Variants in WWOX observed in about 807,000 individuals in gnomAD.
The protein encoded by WWOX is WW domain-containing oxidoreductase.
In WWOX, 69 loss-of-function variants were observed where a neutral mutation model predicts 46.2. The observed-to-expected ratio is 1.49, with a 90% confidence interval of 1.23 to 1.82. The LOEUF (loss-of-function observed/expected upper bound fraction) is 1.82, where lower values mean the gene tolerates loss of function less well. Ranked by LOEUF, WWOX falls within the 40% of genes most tolerant of loss-of-function variation. The pLI, the probability that WWOX is intolerant of heterozygous loss-of-function variation, is 0.00. For missense variants in WWOX, 919 were observed against 542.6 expected, an observed-to-expected ratio of 1.69 and a Z score of -6.89; for synonymous variants, 359 against 202.6, an observed-to-expected ratio of 1.77 and a Z score of -6.56.
At chr16:78,800,678 C>G (rs1487037451) in intron 8 of WWOX, among the ~76,000 whole-genome samples, 2 of 152,174 alleles carry the variant, frequency 1.3e-5, no homozygotes, top group African/African-American at 2.4e-5. Context: ...CAACTGAAAA[C>G]ATTTTAGGGG....
chr16:78,825,365 C>G (rs2051622482), intron 8 of WWOX: 1 of 274,246 alleles, frequency 3.6e-6, no homozygotes, highest in Admixed American at 3.5e-5. Flanking sequence ...TACTCCGGAG[C>G]TGGCTAAAGA....
At chr16:79,153,494 A>T (rs1460216069) in intron 8 of WWOX, among the ~76,000 whole-genome samples, 1 of 152,168 alleles carries the variant, frequency 6.6e-6, no homozygotes, top group East Asian at 1.9e-4. Flanking sequence ...CGTTATGTCT[A>T]GACCCCTGGA....
chr16:78,113,318 C>T, intron 3 of WWOX, among the ~76,000 whole-genome samples: 1 of 152,306 alleles, frequency 6.6e-6, no homozygotes, highest in Middle Eastern at 3.4e-3. Context: ...GGGGCTGTCT[C>T]CTTTGCCTGT....
chr16:78,468,444 C>G (rs996212473), intron 8 of WWOX, among the ~76,000 whole-genome samples: 10 of 152,062 alleles, frequency 6.6e-5, no homozygotes, highest in African/African-American at 9.7e-5. Flanking sequence ...AGAGTTCACA[C>G]TGAGTTTGCA....
intron 8 of WWOX, among the ~76,000 whole-genome samples, chr16:79,153,606 C>A (rs540657623): frequency 1.1e-3 from 163 of 152,230 alleles, no homozygotes; most frequent in Non-Finnish European, 1.9e-3. Context: ...GTCCAAAAAG[C>A]AATAAAGAAC....
intron 8 of WWOX, among the ~76,000 whole-genome samples, chr16:78,599,723 G>T (rs953672796): frequency 1.3e-5 from 2 of 152,186 alleles, no homozygotes; most frequent in East Asian, 1.9e-4. Flanking sequence ...AGGAAGTGGG[G>T]TGTGGGCAAC....
At chr16:78,440,642 A>G (rs2083424129) in intron 8 of WWOX, among the ~76,000 whole-genome samples, 1 of 148,628 alleles carries the variant, frequency 6.7e-6, no homozygotes, top group African/African-American at 2.5e-5. Flanking sequence ...TTTGAGACGG[A>G]GTGTCTCTCC....
intron 8 of WWOX, among the ~76,000 whole-genome samples, chr16:78,801,047 C>G (rs567828859): frequency 2.0e-5 from 3 of 151,888 alleles, no homozygotes; most frequent in African/African-American, 7.2e-5. Context: ...TTGTCATTCT[C>G]TCTCTACCTC....
intron 5 of WWOX, among the ~76,000 whole-genome samples, chr16:78,273,971 A>G (rs1170327911): frequency 2.0e-5 from 3 of 152,208 alleles, no homozygotes; most frequent in South Asian, 2.1e-4. Context: ...ACCAGACACA[A>G]TTATATTGGC....
chr16:78,166,035 G>A (rs568067585), intron 5 of WWOX, among the ~76,000 whole-genome samples: 4 of 152,160 alleles, frequency 2.6e-5, no homozygotes, highest in African/African-American at 7.2e-5. Context: ...GAATCTACAC[G>A]CAGAATGGGA....
At chr16:78,783,224 C>A (rs2050373331) in intron 8 of WWOX, among the ~76,000 whole-genome samples, 1 of 152,180 alleles carries the variant, frequency 6.6e-6, no homozygotes, top group African/African-American at 2.4e-5. Context: ...CTTGACTTAA[C>A]TGTTCTCTTA....
intron 8 of WWOX, among the ~76,000 whole-genome samples, chr16:78,925,566 A>T (rs2045479377): frequency 6.6e-6 from 1 of 152,200 alleles, no homozygotes; most frequent in African/African-American, 2.4e-5. Context: ...TATTGCTGTA[A>T]AACAGAAGGG....
At chr16:78,217,279 A>T (rs893696936) in intron 5 of WWOX, among the ~76,000 whole-genome samples, 1 of 152,320 alleles carries the variant, frequency 6.6e-6, no homozygotes. Flanking sequence ...ATGTGGAGTT[A>T]TCAGTTCCTA....
intron 8 of WWOX, among the ~76,000 whole-genome samples, chr16:78,952,784 G>C (rs2046088437): frequency 6.6e-6 from 1 of 152,142 alleles, no homozygotes; most frequent in African/African-American, 2.4e-5. Context: ...CTACTGCCCA[G>C]CAGAAGGCTT....
intron 5 of WWOX, among the ~76,000 whole-genome samples, chr16:78,201,215 T>G (rs572772567): frequency 2.0e-5 from 3 of 152,220 alleles, no homozygotes; most frequent in Non-Finnish European, 4.4e-5. Flanking sequence ...GGGAAGGAAT[T>G]TCAACTAAGA....
chr16:78,921,603 G>C (rs1418794842), intron 8 of WWOX, among the ~76,000 whole-genome samples: 1 of 152,168 alleles, frequency 6.6e-6, no homozygotes, highest in Non-Finnish European at 1.5e-5. Context: ...GAGGAAACTG[G>C]AGCTCAGGGA....
chr16:78,174,923 G>A (rs138182424), intron 5 of WWOX, among the ~76,000 whole-genome samples: 1 of 151,938 alleles, frequency 6.6e-6, no homozygotes, highest in African/African-American at 2.4e-5. Context: ...GGGAGGTGGA[G>A]GTTGCAGTGA....
intron 5 of WWOX, among the ~76,000 whole-genome samples, chr16:78,257,750 A>C (rs1052897705): frequency 5.3e-5 from 8 of 152,196 alleles, no homozygotes; most frequent in African/African-American, 1.9e-4. Context: ...ATTATCACTC[A>C]TGCTCTGCTG....
At chr16:79,098,443 G>A (rs922706895) in intron 8 of WWOX, among the ~76,000 whole-genome samples, 1 of 152,206 alleles carries the variant, frequency 6.6e-6, no homozygotes, top group African/African-American at 2.4e-5. Context: ...CATGGGCAAA[G>A]GAGTGCATAT....
Sources: allele counts gnomAD v4.1 joint callset (sites outside exome capture counted in the v4.1 genomes callset), GRCh38; gene constraint gnomAD v4.1.1; transcripts MANE v1.5; gene names NCBI Gene and HGNC (gene_info 2026-07-23, HGNC 2026-07-21).